The following SLF1 variants were observed in gnomAD, a reference collection of about 807,000 sequenced individuals.
The protein encoded by SLF1 is SMC5/6 complex localization factor 1.
In SLF1, 105 loss-of-function variants were observed where a neutral mutation model predicts 123.0. That is an observed-to-expected ratio of 0.85 (90% confidence interval 0.73 to 1.00). SLF1 has a LOEUF of 1.00. Among genes scored for constraint, SLF1 ranks in the 50% least tolerant of loss-of-function variants. The pLI is 0.00. For synonymous variants in SLF1, 434 were observed against 406.6 expected (o/e 1.07, Z -0.81); for missense variants, 1,239 against 1,223.0 (o/e 1.01, Z -0.20).
In SLF1 at chr5:94,688,586, G is replaced by T; in HGVS notation, c.2202G>T (p.Gln734His). 15 of 1,614,066 alleles carry T rather than the reference G, an allele frequency of 9.3e-6. No homozygotes were observed. Among genetic ancestry groups the T allele is most frequent in the Non-Finnish European group, 1.2e-5 (14 of 1,179,948 alleles). Reference sequence around the variant, plus strand: ...TTCAGGTGTCAAAGAAAATAGGACAGCGGCCTTGTTTTGACTCTCAGAGAA... The same window carrying T: ...TTCAGGTGTCAAAGAAAATAGGACATCGGCCTTGTTTTGACTCTCAGAGAA... The part of the protein sequence containing the change: ...GKIQVSKKIG[Q>H]RPCFDSQRTL... Residue 734 changes from glutamine (Q) to histidine (H), a missense_variant, in exon 17 of 21, where the codon CAG (glutamine) becomes CAT (histidine). By Grantham distance (24) the Gln-to-His change is conservative. Coordinates refer to ENST00000265140, the MANE Select transcript of SLF1 (RefSeq NM_032290.4).
rs564719569 is a variant in SLF1 at position 94,657,648 on chromosome 5, C to T, written c.1155+2896C>T. On this transcript the variant is annotated intron_variant, in intron 9 of 20. Coordinates refer to ENST00000265140, the MANE Select transcript of SLF1 (RefSeq NM_032290.4). ...GCTTAGAATGGGGTATTAGAGTCCC[C>T]AATTGTTACTGTGTTGAAGTCTCTG... Among the ~76,000 whole-genome samples the T allele has an allele frequency of 5.3e-5, 8 of 152,064 alleles. No homozygotes were observed. In the South Asian group the frequency reaches 1.7e-3, roughly 32 times the overall value.
chr5:94,680,725 A>G (rs1013668496), intron 15 of SLF1, among the ~76,000 whole-genome samples: 1 of 152,226 alleles, frequency 6.6e-6, no homozygotes, highest in African/African-American at 2.4e-5. Context: ...AAAGGATTCT[A>G]CTACCTGTTA....
At chr5:94,685,754 G>C (rs2152496676) in intron 15 of SLF1, among the ~76,000 whole-genome samples, 1 of 151,568 alleles carries the variant, frequency 6.6e-6, no homozygotes, top group South Asian at 2.1e-4. Flanking sequence ...AGAATCGCTT[G>C]AACCTGGGAG....
chr5:94,686,732 T>C lies in SLF1; in HGVS notation c.2121+14T>C. 6.2e-7 allele frequency: 1 copy of C among 1,602,076 alleles called. No individual in the cohort carries two copies. The highest frequency in any genetic ancestry group is 8.5e-7 in the Non-Finnish European group (1 of 1,176,002). ...CTTCAGAAAATGGTAAGTACCTCTC[T>C]ATTCTGGTTCTTTACATTTTCAAGA... On this transcript the variant is annotated intron_variant, in intron 16 of 20. Coordinates refer to ENST00000265140, the MANE Select transcript of SLF1 (RefSeq NM_032290.4).
intron 16 of SLF1, among the ~76,000 whole-genome samples, chr5:94,687,326 A>G (rs562895090): frequency 2.0e-5 from 3 of 152,192 alleles, no homozygotes; most frequent in Non-Finnish European, 4.4e-5. Context: ...GCACTTGTGC[A>G]TAGCCACTGC....
chr5:94,652,002 ATTTTC>A (rs1747782219), intron 7 of SLF1, among the ~76,000 whole-genome samples, 157 bp downstream of exon 7: 2 of 126,514 alleles, frequency 1.6e-5, no homozygotes, highest in African/African-American at 6.0e-5. Flanking sequence ...CTGCTGTATT[ATTTTC>A]TTTTTTCTTT....
chr5:94,691,909 T>A (rs1323188412), intron 19 of SLF1, among the ~76,000 whole-genome samples, 165 bp from the exon 20 acceptor site: 1 of 152,184 alleles, frequency 6.6e-6, no homozygotes, highest in East Asian at 1.9e-4. Context: ...ATTTTAATTT[T>A]TTAAGGTAGA....
chr5:94,678,077 C>T (rs887423730), intron 14 of SLF1, among the ~76,000 whole-genome samples: 149 of 152,146 alleles, frequency 9.8e-4, no homozygotes, highest in Middle Eastern at 3.4e-3. Flanking sequence ...CCCGCCACCA[C>T]GCCCGGCTAA....
In SLF1 at chr5:94,694,146, A is replaced by G. The variant is rs528712091; in HGVS notation, c.2696-685A>G. On this transcript the variant is annotated intron_variant, in intron 20 of 20. Transcript: ENST00000265140. ...TACTCCTATACTTTGCTATGTAACC[A>G]AATACTGAGTTATGTTTTGCCTTCT... Among the ~76,000 whole-genome samples, 13 of 152,068 alleles carry G rather than the reference A, an allele frequency of 8.5e-5. No individual in the cohort carries two copies. In the East Asian group the frequency reaches 1.9e-3, roughly 23 times the overall value.
chr5:94,648,766 C>T (rs1747353140), intron 5 of SLF1, among the ~76,000 whole-genome samples: 1 of 152,230 alleles, frequency 6.6e-6, no homozygotes, highest in Non-Finnish European at 1.5e-5. Flanking sequence ...AGGCATGAGC[C>T]ACCGTGCCCA....
chr5:94,649,856 GTAA>G (rs1331193094), intron 6 of SLF1, among the ~76,000 whole-genome samples: 2 of 151,996 alleles, frequency 1.3e-5, no homozygotes. Context: ...AATTACTTAT[GTAA>G]TTACCATGTT....
intron 9 of SLF1, among the ~76,000 whole-genome samples, chr5:94,658,279 C>A (rs1748669045): frequency 6.6e-6 from 1 of 151,168 alleles, no homozygotes. Context: ...CGTTTGCTTC[C>A]AATTGTAGGA....
chr5:94,685,516 GA>G (rs1186983183), intron 15 of SLF1, among the ~76,000 whole-genome samples: 3 of 151,896 alleles, frequency 2.0e-5, no homozygotes, highest in African/African-American at 7.3e-5. Flanking sequence ...GTTACATAGA[GA>G]ATATTAATAG....
chr5:94,655,374 C>T (rs1296144937), intron 9 of SLF1, among the ~76,000 whole-genome samples: 2 of 152,044 alleles, frequency 1.3e-5, no homozygotes, highest in African/African-American at 4.8e-5. Context: ...GTGCCTCCAG[C>T]TCAGCATTGC....
At chr5:94,647,757 C>T (rs1042627569) in intron 5 of SLF1, among the ~76,000 whole-genome samples, 3 of 107,830 alleles carry the variant, frequency 2.8e-5, no homozygotes, top group African/African-American at 1.1e-4. Flanking sequence ...GTATTAGTGG[C>T]TTAGAGAAAA....
In SLF1 at chr5:94,678,922, G is replaced by A. The variant is rs990510169; in HGVS notation, c.1942G>A (p.Asp648Asn). ...AAATGTGATGCGACACATGTCTGAT[G>A]ACTTAGGAAGTTATGTTTCTCTTTC... is the stretch of plus-strand genomic sequence containing the variant. ...GRNVMRHMSD[D>N]LGSYVSLSCD... Residue 648 changes from aspartate to asparagine, a missense_variant, in exon 15 of 21, where the codon GAC becomes AAC. By Grantham distance (23) the Asp-to-Asn change is conservative (BLOSUM62 1). Transcript: ENST00000265140. The A allele has an allele frequency of 1.1e-5, 17 of 1,613,338 alleles. No individual in the cohort carries two copies. The highest frequency in any genetic ancestry group is 1.1e-5 in the Non-Finnish European group (13 of 1,179,726).
At chr5:94,681,285 A>G (rs982978488) in intron 15 of SLF1, among the ~76,000 whole-genome samples, 7 of 151,942 alleles carry the variant, frequency 4.6e-5, no homozygotes, top group African/African-American at 1.7e-4. Context: ...GTATGCCACC[A>G]AGCCTGGCTA....
rs140936743 is a variant in SLF1 at position 94,659,433 on chromosome 5, C to T, written c.1156-2865C>T. ...TCACCTTTCTTGCATAGTTATGTTG[C>T]TATCTGTGTATCTGGTGTAACAGTC... is the stretch of plus-strand genomic sequence containing the variant. On this transcript the variant is annotated intron_variant, in intron 9 of 20. Transcript: ENST00000265140. 1.5e-4 allele frequency among the ~76,000 whole-genome samples: 23 copies of T among 152,216 alleles called. No homozygotes were observed. In the East Asian group the frequency reaches 3.3e-3, roughly 22 times the overall value.
intron 4 of SLF1, among the ~76,000 whole-genome samples, chr5:94,633,445 A>G (rs779898360): frequency 2.0e-5 from 3 of 152,220 alleles, no homozygotes; most frequent in Non-Finnish European, 4.4e-5. Flanking sequence ...AATGACATCT[A>G]TGTAAATATC....
Sources: allele counts gnomAD v4.1 joint callset (sites outside exome capture counted in the v4.1 genomes callset), GRCh38; gene constraint gnomAD v4.1.1; transcripts MANE v1.5; gene names NCBI Gene and HGNC (gene_info 2026-07-23, HGNC 2026-07-21).